The following FGF1 variants were observed in gnomAD, a reference collection of about 807,000 sequenced individuals.
FGF1 encodes fibroblast growth factor 1, also known as beta-endothelial cell growth factor.
A neutral mutation model predicts 13.4 loss-of-function variants in FGF1; 9 were observed. The observed-to-expected ratio is 0.67, with a 90% confidence interval of 0.40 to 1.17. The LOEUF (loss-of-function observed/expected upper bound fraction) is 1.17. Among genes scored for constraint, FGF1 ranks in the 50% most tolerant of loss-of-function variants. FGF1 has a pLI of 0.01. For synonymous variants in FGF1, 93 were observed against 79.0 expected (o/e 1.18, Z -0.94); for missense variants, 156 against 192.7 (o/e 0.81, Z 1.13).
chr5:142,613,891 A>G, intron 2 of FGF1, 68 bp downstream of exon 2: 1 of 1,530,302 alleles, frequency 6.5e-7, no homozygotes, highest in Non-Finnish European at 8.9e-7. Flanking sequence ...TTAAATGTGC[A>G]CCTTCCTCCC....
chr5:142,643,906 A>G (rs1302412679), intron 1 of FGF1, among the ~76,000 whole-genome samples: 6 of 152,230 alleles, frequency 3.9e-5, no homozygotes, highest in Admixed American at 3.9e-4. Context: ...TAATGCATGT[A>G]AGCTCATGTT....
intron 1 of FGF1, among the ~76,000 whole-genome samples, chr5:142,664,578 T>C (rs1769932496): frequency 6.6e-6 from 1 of 152,244 alleles, no homozygotes; most frequent in African/African-American, 2.4e-5. Flanking sequence ...TTCTTCATGG[T>C]ACATGAAGTG....
chr5:142,667,791 G>A (rs1380197103), intron 1 of FGF1, among the ~76,000 whole-genome samples: 2 of 152,174 alleles, frequency 1.3e-5, no homozygotes, highest in African/African-American at 4.8e-5. Flanking sequence ...GCTCCCTGGG[G>A]CTACTTCCAG....
chr5:142,683,650 C>T (rs924429748), intron 1 of FGF1, among the ~76,000 whole-genome samples: 2 of 151,644 alleles, frequency 1.3e-5, no homozygotes, highest in African/African-American at 2.4e-5. Context: ...GGAGAAACCC[C>T]GTCTCTAATA....
chr5:142,687,313 T>C (rs1435867289), upstream of FGF1, among the ~76,000 whole-genome samples: 1 of 152,082 alleles, frequency 6.6e-6, no homozygotes, highest in Non-Finnish European at 1.5e-5. Flanking sequence ...CCACAGAGCA[T>C]GGGGGTGTGG....
intron 1 of FGF1, among the ~76,000 whole-genome samples, chr5:142,647,430 C>T (rs114698908): frequency 2.6e-5 from 4 of 152,278 alleles, no homozygotes; most frequent in East Asian, 3.9e-4. Flanking sequence ...TTCTCACCAC[C>T]GCGTTGAGGT....
chr5:142,680,232 A>T (rs1773453019), intron 1 of FGF1, among the ~76,000 whole-genome samples: 1 of 152,134 alleles, frequency 6.6e-6, no homozygotes, highest in African/African-American at 2.4e-5. Context: ...ACACAACTCA[A>T]CCCTAACACC....
intron 1 of FGF1, among the ~76,000 whole-genome samples, chr5:142,653,085 A>C (rs1030295797): frequency 6.6e-6 from 1 of 152,166 alleles, no homozygotes; most frequent in Non-Finnish European, 1.5e-5. Context: ...CCAGTCATTC[A>C]TGCAGAGCGT....
rs17223283 is a variant in FGF1, at chr5:142,660,887, T to C, written c.-35+25070A>G. Among the ~76,000 whole-genome samples the C allele has an allele frequency of 7.7e-3, 1,171 of 152,256 alleles. 17 individuals are homozygous for C. Among genetic ancestry groups the C allele is most frequent in the African/African-American group, 0.027 (1,125 of 41,558 alleles). On this transcript the variant is annotated intron_variant, in intron 1 of 3. Coordinates refer to ENST00000337706, the MANE Select transcript of FGF1 (RefSeq NM_000800.5). Reference sequence around the variant, plus strand: ...CACAAATCTTGGTGGTTGAGCCAGCTGTCTTCTTTATTCTGTGTTCCTCCT... The same window carrying C: ...CACAAATCTTGGTGGTTGAGCCAGCCGTCTTCTTTATTCTGTGTTCCTCCT...
intron 1 of FGF1, among the ~76,000 whole-genome samples, chr5:142,660,715 C>A (rs1383336646): frequency 6.6e-6 from 1 of 152,244 alleles, no homozygotes; most frequent in Admixed American, 6.5e-5. Flanking sequence ...AAGACACACA[C>A]TCCATATCTT....
At chr5:142,649,429 C>T (rs562260694) in intron 1 of FGF1, among the ~76,000 whole-genome samples, 8 of 150,686 alleles carry the variant, frequency 5.3e-5, no homozygotes, top group East Asian at 1.9e-4. Context: ...TTTTTTGAGA[C>T]GGAGTCTCGC....
chr5:142,697,317 T>C (rs989036880), intron 2 of FGF1, among the ~76,000 whole-genome samples: 5 of 152,244 alleles, frequency 3.3e-5, no homozygotes, highest in African/African-American at 1.2e-4. Context: ...AATGATTTCC[T>C]GGTAAACGTC....
At chr5:142,633,802 C>T (rs1159649943) in intron 1 of FGF1, among the ~76,000 whole-genome samples, 7 of 152,110 alleles carry the variant, frequency 4.6e-5, no homozygotes, top group Non-Finnish European at 2.9e-5. Context: ...AAGCTCATCC[C>T]CTGACTTCTG....
intron 1 of FGF1, among the ~76,000 whole-genome samples, chr5:142,624,993 TG>T (rs1179314151): frequency 6.6e-6 from 1 of 152,232 alleles, no homozygotes; most frequent in Non-Finnish European, 1.5e-5. Flanking sequence ...CCACTGGAGT[TG>T]TTCCATAATA....
At chr5:142,682,085 ATTTT>A (rs371659888) in intron 1 of FGF1, among the ~76,000 whole-genome samples, 2 of 134,946 alleles carry the variant, frequency 1.5e-5, no homozygotes. Flanking sequence ...TTTCTCCTCT[ATTTT>A]TTTTTTTTTT....
intron 2 of FGF1, among the ~76,000 whole-genome samples, chr5:142,604,506 G>C (rs1456241182): frequency 6.6e-6 from 1 of 152,100 alleles, no homozygotes; most frequent in Non-Finnish European, 1.5e-5. Flanking sequence ...ATGAACTCAA[G>C]TTCTGCTTGG....
intron 1 of FGF1, among the ~76,000 whole-genome samples, chr5:142,624,846 T>C (rs906428866): frequency 1.3e-5 from 2 of 152,258 alleles, no homozygotes; most frequent in Non-Finnish European, 2.9e-5. Context: ...TAGAAGTTCT[T>C]TCATAACAGA....
At chr5:142,639,112 G>C (rs563175084) in intron 1 of FGF1, among the ~76,000 whole-genome samples, 1 of 151,902 alleles carries the variant, frequency 6.6e-6, no homozygotes, top group East Asian at 1.9e-4. Flanking sequence ...ACAGTATAGA[G>C]GTTCCTCAAA....
intron 1 of FGF1, among the ~76,000 whole-genome samples, chr5:142,631,775 T>A (rs1415382950): frequency 7.0e-6 from 1 of 142,260 alleles, no homozygotes; most frequent in African/African-American, 2.6e-5. Context: ...TTTATTTAAA[T>A]TAGCTTTTTT....
Sources: allele counts gnomAD v4.1 joint callset (sites outside exome capture counted in the v4.1 genomes callset), GRCh38; gene constraint gnomAD v4.1.1; transcripts MANE v1.5; gene names NCBI Gene and HGNC (gene_info 2026-07-23, HGNC 2026-07-21).